The following PRKD3 variants were observed in gnomAD, a reference collection of about 807,000 sequenced individuals.
PRKD3 encodes serine/threonine-protein kinase D3.
PRKD3 carries 47 observed loss-of-function variants against 99.2 expected under a neutral mutation model. The ratio of observed to expected loss-of-function variants is 0.47; its 90% CI spans 0.38 to 0.60. The LOEUF (loss-of-function observed/expected upper bound fraction) is 0.60, where lower values mean the gene tolerates loss of function less well. Ranked by LOEUF, PRKD3 falls within the 20% of genes least tolerant of loss-of-function variation. PRKD3 has a pLI of 0.00. For synonymous variants in PRKD3, 392 were observed against 355.4 expected (o/e 1.10, Z -1.16); for missense variants, 1,019 against 1,088.4 (o/e 0.94, Z 0.90).
At position 37,304,826 on chromosome 2, in the gene PRKD3, A is replaced by G. The variant is rs570420700; in HGVS notation, c.288+11411T>C. Among the ~76,000 whole-genome samples, 10 of 151,582 alleles carry G rather than the reference A, an allele frequency of 6.6e-5. No individual in the cohort carries two copies. In the East Asian group the frequency reaches 1.7e-3, roughly 26 times the overall value. On this transcript the variant is annotated intron_variant, in intron 2 of 18. Coordinates refer to ENST00000234179, the MANE Select transcript of PRKD3 (RefSeq NM_005813.6). ...AACACCTGCCTTTCTGATACCAACC[A>G]AAGCAATCTTTTTTCATTCTCATTT...
chr2:37,287,477 T>C (rs1244694783), intron 5 of PRKD3, among the ~76,000 whole-genome samples: 1 of 152,016 alleles, frequency 6.6e-6, no homozygotes, highest in Non-Finnish European at 1.5e-5. Context: ...CATATTAATG[T>C]AGAATTACCC....
intron 5 of PRKD3, 118 bp from the exon 6 acceptor site, chr2:37,286,487 G>A: frequency 1.2e-6 from 1 of 813,196 alleles, no homozygotes. Flanking sequence ...CTCTAAAAAT[G>A]TTGTTCTCAG....
Position 37,288,276 on chromosome 2 carries a change from TTC to T in PRKD3, c.717+1078_717+1079del, listed in dbSNP as rs1254333853. Among the ~76,000 whole-genome samples the T allele has an allele frequency of 2.6e-5, 4 of 152,192 alleles. No homozygotes were observed. In the East Asian group the frequency reaches 7.7e-4, roughly 29 times the overall value. ...GCACTAACTTTTTCCTACTAATCTT[TTC>T]CAGGCTCTTCTGTAGGTTTATACCA... On this transcript the variant is annotated intron_variant, in intron 5 of 18. Transcript: ENST00000234179.
chr2:37,260,230 AC>A lies in PRKD3; in HGVS notation c.2038del (p.Val680SerfsTer8), dbSNP rs1668314212. ...RLPERITKFM[V>X]TQILVALRNL... ...AAAAAGGAGTTAAAATACCTGTGTG[AC>A]CATGAATTTAGTAATTCGTTCTGGA... is the stretch of plus-strand genomic sequence containing the variant. On this transcript the variant is annotated frameshift_variant, in exon 15 of 19. Coordinates refer to ENST00000234179, the MANE Select transcript of PRKD3 (RefSeq NM_005813.6). LOFTEE classifies it high-confidence loss of function. The A allele has an allele frequency of 6.2e-7, 1 of 1,608,180 alleles. No homozygotes were observed. The highest frequency in any genetic ancestry group is 8.5e-7 in the Non-Finnish European group (1 of 1,176,454).
At chr2:37,265,737 A>G (rs1668793135) in intron 14 of PRKD3, among the ~76,000 whole-genome samples, 3 of 152,358 alleles carry the variant, frequency 2.0e-5, no homozygotes, top group African/African-American at 7.2e-5. Flanking sequence ...TATTAAATTT[A>G]GTATGAAAAT....
chr2:37,303,397 C>T (rs765340423), intron 2 of PRKD3, among the ~76,000 whole-genome samples: 1 of 152,120 alleles, frequency 6.6e-6, no homozygotes, highest in Admixed American at 6.6e-5. Context: ...CCACCCCACA[C>T]GATGAGGCAA....
rs1004665062 is a variant in PRKD3, at chr2:37,270,449, G to A, written c.1705-762C>T. 6.0e-5 allele frequency among the ~76,000 whole-genome samples: 9 copies of A among 150,424 alleles called. No homozygotes were observed. In the South Asian group the frequency reaches 1.9e-3, roughly 31 times the overall value. On this transcript the variant is annotated intron_variant, in intron 12 of 18. Coordinates refer to ENST00000234179, the MANE Select transcript of PRKD3 (RefSeq NM_005813.6). The stretch of plus-strand genomic sequence containing the variant: ...TATGTATGAGAGAAAGTCTGTAACT[G>A]AAATCCATTCCTCTATCTTTCCTCA...
intron 2 of PRKD3, among the ~76,000 whole-genome samples, chr2:37,300,933 A>G (rs72863180): frequency 6.6e-6 from 1 of 152,146 alleles, no homozygotes; most frequent in Non-Finnish European, 1.5e-5. Flanking sequence ...TTGAGTATGT[A>G]CTTGTTTTGC....
chr2:37,263,243 T>C (rs1668601294), intron 14 of PRKD3, among the ~76,000 whole-genome samples: 1 of 152,218 alleles, frequency 6.6e-6, no homozygotes. Context: ...CTAAATATTC[T>C]GAAATTTTGA....
chr2:37,293,309 T>G lies in PRKD3; in HGVS notation c.289-38A>C, dbSNP rs1180574249. The G allele has an allele frequency of 5.4e-6, 8 of 1,480,198 alleles. No homozygotes were observed. The African/African-American group carries it at 1.1e-4, about 21-fold the overall frequency. The allele number at this position is 1,480,198 out of a possible 1,614,324, so 91.7% of individuals were successfully genotyped here. On this transcript the variant is annotated intron_variant, in intron 2 of 18. Coordinates refer to ENST00000234179, the MANE Select transcript of PRKD3 (RefSeq NM_005813.6). ...AGTCCTATATCAGTATGACCACAGT[T>G]TTCTATTTTTATAAGTAAACGTTTC...
In PRKD3 at chr2:37,250,796, G is replaced by T. The variant is rs1331715138; in HGVS notation, c.*2381C>A. On this transcript the variant is annotated 3_prime_UTR_variant, in exon 19 of 19. Coordinates refer to ENST00000234179, the MANE Select transcript of PRKD3 (RefSeq NM_005813.6). ...ACCAAAAAAATATTAAAAATGTACT[G>T]AACAGTCATTATAGACTACTTTGTA... The T allele has an allele frequency of 6.6e-6, 1 of 152,472 alleles. No homozygotes were observed. The highest frequency in any genetic ancestry group is 1.5e-5 in the Non-Finnish European group (1 of 67,990). The allele number at this position is 152,472 out of a possible 1,614,324, so 9.4% of individuals were successfully genotyped here. A position where few individuals can be genotyped will look rare whatever the true frequency, so the allele number is the denominator to read the frequency against.
chr2:37,257,724 T>C (rs1026783429), intron 16 of PRKD3, among the ~76,000 whole-genome samples: 2 of 151,826 alleles, frequency 1.3e-5, no homozygotes, highest in Non-Finnish European at 2.9e-5. Context: ...TCCCTTGTTT[T>C]GCTTAATCCT....
intron 3 of PRKD3, among the ~76,000 whole-genome samples, chr2:37,292,479 G>A (rs1273566612): frequency 6.6e-6 from 1 of 151,694 alleles, no homozygotes; most frequent in Non-Finnish European, 1.5e-5. Context: ...CCCAGTAGCT[G>A]GGACTAGGCG....
At chr2:37,258,547 C>T (rs1052173824) in intron 16 of PRKD3, among the ~76,000 whole-genome samples, 3 of 152,106 alleles carry the variant, frequency 2.0e-5, no homozygotes, top group Non-Finnish European at 2.9e-5. Flanking sequence ...AAATAGAGGT[C>T]AGAAAGTGGG....
At chr2:37,304,567 G>A (rs1217039584) in intron 2 of PRKD3, among the ~76,000 whole-genome samples, 3 of 151,768 alleles carry the variant, frequency 2.0e-5, no homozygotes, top group Admixed American at 6.6e-5. Context: ...ATGCTGAAAC[G>A]CCATCTCTAG....
intron 2 of PRKD3, among the ~76,000 whole-genome samples, chr2:37,296,928 G>GT (rs1670702117): frequency 6.9e-6 from 1 of 144,176 alleles, no homozygotes; most frequent in East Asian, 2.1e-4. Context: ...AAAAAATTAT[G>GT]TAAGAGTCTA....
chr2:37,298,786 C>T (rs1237099522), intron 2 of PRKD3, among the ~76,000 whole-genome samples: 1 of 152,144 alleles, frequency 6.6e-6, no homozygotes, highest in Non-Finnish European at 1.5e-5. Flanking sequence ...TATCCTACAT[C>T]TTTACTTAAT....
chr2:37,316,495 G>A lies in PRKD3; in HGVS notation c.30C>T (p.Ala10=). The A allele has an allele frequency of 6.2e-7, 1 of 1,613,940 alleles. No homozygotes were observed. Among genetic ancestry groups the A allele is most frequent in the Admixed American group, 1.7e-5 (1 of 59,996 alleles). Residue 10 remains alanine (A), a synonymous_variant, in exon 2 of 19, where the codon GCC becomes GCT. Coordinates refer to ENST00000234179, the MANE Select transcript of PRKD3 (RefSeq NM_005813.6). MSANNSPPS[A]QKSVLPTAIP... is the part of the protein sequence containing the mutation. ...TAGCTGTGGGTAATACAGACTTCTG[G>A]GCTGATGGAGGGGAATTATTTGCAG...
At chr2:37,275,328 G>A (rs572411708) in intron 10 of PRKD3, among the ~76,000 whole-genome samples, 2 of 152,196 alleles carry the variant, frequency 1.3e-5, no homozygotes, top group African/African-American at 4.8e-5. Flanking sequence ...GGCAAAACGT[G>A]GAATAAGCCA....
Sources: allele counts gnomAD v4.1 joint callset (sites outside exome capture counted in the v4.1 genomes callset), GRCh38; gene constraint gnomAD v4.1.1; transcripts MANE v1.5; gene names NCBI Gene and HGNC (gene_info 2026-07-23, HGNC 2026-07-21).